TAF6L: variants seen among roughly 807,000 people sequenced by gnomAD.
TAF6L encodes TATA-box binding protein associated factor 6 like.
TAF6L carries 34 observed loss-of-function variants against 57.3 expected under a neutral mutation model. That is an observed-to-expected ratio of 0.59 (90% CI 0.45 to 0.79). The LOEUF is 0.79. Among genes scored for constraint, TAF6L ranks in the 30% least tolerant of loss-of-function variants. TAF6L has a pLI of 0.00. For missense variants in TAF6L, 782 were observed against 853.2 expected (o/e 0.92, Z 1.04); for synonymous variants, 417 against 376.3 (o/e 1.11, Z -1.25).
At chr11:62,782,941 G>A (rs945168269) in intron 9 of TAF6L, 116 bp downstream of exon 9, 6 of 1,457,432 alleles carry the variant, frequency 4.1e-6, no homozygotes, top group Non-Finnish European at 5.5e-6. Flanking sequence ...CATGTATTGA[G>A]TTCTGGCCTT....
At position 62,775,728 on chromosome 11, in the gene TAF6L, G is replaced by A. The variant is rs542682929; in HGVS notation, c.-13-43G>A. On this transcript the variant is annotated intron_variant, in intron 1 of 10. Coordinates refer to ENST00000294168, the MANE Select transcript of TAF6L (RefSeq NM_006473.4). ...GTTGGATCACACTCCTGGGCTCTCCGGGAGGCTGGGCAGCTTTTCCAGTCT... is the reference window on the plus strand; with the variant it reads ...GTTGGATCACACTCCTGGGCTCTCCAGGAGGCTGGGCAGCTTTTCCAGTCT... 157 of 1,561,566 alleles carry A rather than the reference G, an allele frequency of 1.0e-4. 1 individual carries two copies. The African/African-American group carries it at 1.7e-3, about 17-fold the overall frequency.
At chr11:62,776,976 G>A (rs1056661537) in intron 3 of TAF6L, among the ~76,000 whole-genome samples, 1 of 151,820 alleles carries the variant, frequency 6.6e-6, no homozygotes, top group Non-Finnish European at 1.5e-5. Flanking sequence ...GTGAAACCTC[G>A]TTTCTACTAA....
intron 1 of TAF6L, among the ~76,000 whole-genome samples, chr11:62,773,901 A>C (rs1031878098): frequency 6.6e-6 from 1 of 152,124 alleles, no homozygotes; most frequent in Admixed American, 6.6e-5. Flanking sequence ...GGGAGGAGAG[A>C]GTTCCAAGTG....
chr11:62,778,622 G>T, intron 5 of TAF6L: 1 of 612,024 alleles, frequency 1.6e-6, no homozygotes, highest in South Asian at 2.0e-5. Context: ...GAGCTTCACA[G>T]AGCCTGAAGC....
rs2134731276 is a variant in TAF6L at position 62,787,028 on chromosome 11, C to T, written c.1601C>T (p.Pro534Leu). The stretch of plus-strand genomic sequence containing the variant: ...CGCGTGCATCGGGCGCGCGGGGCAC[C>T]CCGGCAGCAGGGCCCCGGGACCGGC... The part of the protein sequence containing the change: ...LPRVHRARGA[P>L]RQQGPGTGTR... The change falls in exon 11 of 11, where the codon CCC (proline) becomes CTC (leucine). Residue 534 changes from proline to leucine, a missense_variant. Coordinates refer to ENST00000294168, the MANE Select transcript of TAF6L (RefSeq NM_006473.4). 1 of 1,504,534 alleles carries T rather than the reference C, an allele frequency of 6.6e-7. No homozygotes were observed. Among genetic ancestry groups the T allele is most frequent in the Non-Finnish European group, 8.8e-7 (1 of 1,134,828 alleles). The allele number at this position is 1,504,534 out of a possible 1,614,324, so 93.2% of individuals were successfully genotyped here.
At chr11:62,786,211 G>A (rs1252756981) in intron 9 of TAF6L, 49 bp from the exon 10 acceptor site, 4 of 1,577,184 alleles carry the variant, frequency 2.5e-6, no homozygotes, top group Non-Finnish European at 3.5e-6. Context: ...TCCTTGAGAG[G>A]GAATAAGTAT....
At position 62,777,276 on chromosome 11, in the gene TAF6L, G is replaced by A. The variant is rs376730467; in HGVS notation, c.235-702G>A. On this transcript the variant is annotated intron_variant, in intron 3 of 10. Transcript: ENST00000294168. ...TGGAAGGCGTAGGTTGCAGTGAGCC[G>A]AGATCACGCCACTGCATTCCAGCCT... is the stretch of plus-strand genomic sequence containing the variant. 3.0e-4 allele frequency among the ~76,000 whole-genome samples: 46 copies of A among 152,258 alleles called. No homozygotes were observed. In the South Asian group the frequency reaches 8.5e-3, roughly 28 times the overall value.
intron 6 of TAF6L, among the ~76,000 whole-genome samples, chr11:62,780,720 G>A (rs564711567): frequency 1.3e-4 from 20 of 150,062 alleles, no homozygotes; most frequent in African/African-American, 4.7e-4. Context: ...ATGTGAGGCC[G>A]GGAGTTCGAG....
chr11:62,783,202 G>A (rs1387677470), intron 9 of TAF6L, among the ~76,000 whole-genome samples: 9 of 152,170 alleles, frequency 5.9e-5, no homozygotes, highest in African/African-American at 1.4e-4. Context: ...AGGTGTTGGC[G>A]CCGGGCGCAG....
intron 7 of TAF6L, 58 bp downstream of exon 7, chr11:62,782,026 G>A (rs1330090046): frequency 1.2e-6 from 2 of 1,603,198 alleles, no homozygotes; most frequent in Admixed American, 3.4e-5. Context: ...GACCCAGCAG[G>A]TGTAGGGCTC....
Position 62,778,551 on chromosome 11 carries a change from C to T in TAF6L, c.436+216C>T, listed in dbSNP as rs150081391. ...TAGTCATAATGCAGCATGTTGGATGCTAAGACAGAAGTCTGGGCAGCATGC... is the reference window on the plus strand; with the variant it reads ...TAGTCATAATGCAGCATGTTGGATGTTAAGACAGAAGTCTGGGCAGCATGC... On this transcript the variant is annotated intron_variant, in intron 5 of 10. Coordinates refer to ENST00000294168, the MANE Select transcript of TAF6L (RefSeq NM_006473.4). 93 of 640,966 alleles carry T rather than the reference C, an allele frequency of 1.5e-4. No homozygotes were observed. The East Asian group carries it at 2.5e-3, about 17-fold the overall frequency. 39.7% of individuals were successfully genotyped at this position (640,966 alleles called of 1,614,324 possible).
Position 62,778,028 on chromosome 11 carries a change from G to A in TAF6L, c.285G>A (p.Arg95=). ...SQEALPMRPA[R]EGELYFPEDR... is the part of the protein sequence containing the mutation. ...AGGCACTGCCCATGCGCCCCGCCAG[G>A]GAGGGTGAACTCTACTTTCCTGAGG... The change falls in exon 4 of 11, where the codon AGG becomes AGA. Residue 95 remains arginine (R), a synonymous_variant. Transcript: ENST00000294168. 1 of 1,614,190 alleles carries A rather than the reference G, an allele frequency of 6.2e-7. No homozygotes were observed.
intron 6 of TAF6L, 41 bp downstream of exon 6, chr11:62,779,004 G>A (rs777176022): frequency 7.7e-6 from 9 of 1,174,082 alleles, no homozygotes; most frequent in Admixed American, 1.8e-5. Context: ...AGTTGAAATT[G>A]TAAATTCTAG....
In TAF6L at chr11:62,772,468, A is replaced by G. The variant is rs1195731283; in HGVS notation, c.-14+978A>G. On this transcript the variant is annotated intron_variant, in intron 1 of 10. Coordinates refer to ENST00000294168, the MANE Select transcript of TAF6L (RefSeq NM_006473.4). ...AACCAGGGAGGCAGAGGTTGTAGTG[A>G]GCCGAGATCACGCCACTGTACTCCA... 2.7e-5 allele frequency among the ~76,000 whole-genome samples: 4 copies of G among 150,600 alleles called. 1 individual carries two copies. The highest frequency in any genetic ancestry group is 4.2e-4 in the South Asian group (2 of 4,788).
At position 62,778,963 on chromosome 11, in the gene TAF6L, G is replaced by A; in HGVS notation, c.531G>A (p.Lys177=). ...AVLGDDPQLM[K]VALQDLQTNS... is the part of the protein sequence containing the mutation. ...TAGGGGATGATCCGCAACTGATGAAGGTGAGCGAGTGGGCCCAAGTTGGGG... is the reference window on the plus strand; with the variant it reads ...TAGGGGATGATCCGCAACTGATGAAAGTGAGCGAGTGGGCCCAAGTTGGGG... Residue 177 remains lysine (K), a splice_region_variant and synonymous_variant, in exon 6 of 11, where the codon AAG becomes AAA. Coordinates refer to ENST00000294168, the MANE Select transcript of TAF6L (RefSeq NM_006473.4). 2 of 1,613,766 alleles carry A rather than the reference G, an allele frequency of 1.2e-6. No homozygotes were observed. The highest frequency in any genetic ancestry group is 1.7e-6 in the Non-Finnish European group (2 of 1,179,762).
At chr11:62,778,605 C>G in intron 5 of TAF6L, 1 of 613,488 alleles carries the variant, frequency 1.6e-6, no homozygotes, top group Non-Finnish European at 2.9e-6. Context: ...CCAGGGTATG[C>G]TGAGCAGAGC....
At position 62,776,374 on chromosome 11, in the gene TAF6L, TC is replaced by T. The variant is rs747673524; in HGVS notation, c.148-7del. 4.2e-5 allele frequency: 67 copies of T among 1,613,002 alleles called. No individual in the cohort carries two copies. The South Asian group carries it at 7.4e-4, about 18-fold the overall frequency. On this transcript the variant is annotated splice_polypyrimidine_tract_variant and intron_variant, in intron 2 of 10. Transcript: ENST00000294168. ...TCCTTTGACTCTGGCTTTTGTTCCCTCCCTCCCAGAATAGCTCTCAGTTCAT... is the reference window on the plus strand; with the variant it reads ...TCCTTTGACTCTGGCTTTTGTTCCCTCCTCCCAGAATAGCTCTCAGTTCAT...
chr11:62,779,484 C>T lies in TAF6L; in HGVS notation c.531+521C>T, dbSNP rs1008873469. On this transcript the variant is annotated intron_variant, in intron 6 of 10. Coordinates refer to ENST00000294168, the MANE Select transcript of TAF6L (RefSeq NM_006473.4). ...TGCTGGGATTACAAGTGTGAGCCACCGTGCCCAGCCTTATATTTTTAATAG... is the reference window on the plus strand; with the variant it reads ...TGCTGGGATTACAAGTGTGAGCCACTGTGCCCAGCCTTATATTTTTAATAG... Among the ~76,000 whole-genome samples, 3 of 151,648 alleles carry T rather than the reference C, an allele frequency of 2.0e-5. No homozygotes were observed. In the East Asian group the frequency reaches 5.8e-4, roughly 29 times the overall value.
rs868467951 is a variant in TAF6L at position 62,781,547 on chromosome 11, G to A, written c.532-347G>A. ...AAATTAGCCGGGTGTGGTGGCAGGC[G>A]CCTGTAGTCCCAGCTACTCGGGAGG... On this transcript the variant is annotated intron_variant, in intron 6 of 10. Coordinates refer to ENST00000294168, the MANE Select transcript of TAF6L (RefSeq NM_006473.4). 1.6e-4 allele frequency among the ~76,000 whole-genome samples: 24 copies of A among 151,756 alleles called. No individual in the cohort carries two copies. In the Middle Eastern group the frequency reaches 0.014, roughly 86 times the overall value.
Sources: gnomAD v4.1 joint callset for allele counts (sites outside exome capture counted in the v4.1 genomes callset) on GRCh38, gnomAD v4.1.1 for gene constraint, MANE v1.5 for transcripts, NCBI Gene and HGNC (gene_info 2026-07-23, HGNC 2026-07-21) for gene names.